Variants in INF2 observed in about 807,000 individuals in gnomAD.
INF2 encodes the protein inverted formin-2.
INF2 carries 43 observed loss-of-function variants against 123.5 expected under a neutral mutation model. The ratio of observed to expected loss-of-function variants is 0.35; its 90% CI spans 0.27 to 0.45. The LOEUF is 0.45. Ranked by LOEUF, INF2 falls within the 20% of genes least tolerant of loss-of-function variation. INF2 has a pLI of 1.00. For missense variants in INF2, 1,453 were observed against 1,682.7 expected (o/e 0.86, Z 2.39); for synonymous variants, 851 against 745.0 (o/e 1.14, Z -2.32).
At position 104,714,718 on chromosome 14, in the gene INF2, G is replaced by T; in HGVS notation, c.3556G>T (p.Asp1186Tyr). ...EEDTAPESAL[D>Y]TSLDKSFSED... ...GGACACGGCCCCAGAGTCCGCACTGGACACATCCCTGGACAAGTCCTTCTC... is the reference window on the plus strand; with the variant it reads ...GGACACGGCCCCAGAGTCCGCACTGTACACATCCCTGGACAAGTCCTTCTC... The change falls in exon 21 of 23, where the codon GAC becomes TAC. Residue 1186 changes from aspartate (D) to tyrosine (Y), a missense_variant. Asp to Tyr is a radical substitution (Grantham distance 160). Coordinates refer to ENST00000392634, the MANE Select transcript of INF2 (RefSeq NM_022489.4). 6.2e-7 allele frequency: 1 copy of T among 1,608,438 alleles called. No individual in the cohort carries two copies. Among genetic ancestry groups the T allele is most frequent in the Non-Finnish European group, 8.5e-7 (1 of 1,177,166 alleles).
chr14:104,704,091 G>GTCCA, intron 5 of INF2, 142 bp downstream of exon 5: 1 of 1,505,556 alleles, frequency 6.6e-7, no homozygotes, highest in African/African-American at 1.4e-5. Flanking sequence ...AACCCCAGGG[G>GTCCA]TCCAGCCAGA....
At chr14:104,701,087 C>A (rs1280786888) in intron 1 of INF2, among the ~76,000 whole-genome samples, 3 of 152,184 alleles carry the variant, frequency 2.0e-5, no homozygotes, top group African/African-American at 7.2e-5. Flanking sequence ...CGGCTCCTCC[C>A]CTCCCAGCCC....
chr14:104,700,944 C>CAAAACGGCGCATCTGA, intron 1 of INF2: 1 of 809,044 alleles, frequency 1.2e-6, no homozygotes, highest in Non-Finnish European at 1.5e-6. Flanking sequence ...TCAGATGCGC[C>CAAAACGGCGCATCTGA]GTTTTGTCGC....
intron 1 of INF2, among the ~76,000 whole-genome samples, chr14:104,692,902 A>G (rs1421775476): frequency 6.6e-6 from 1 of 152,216 alleles, no homozygotes; most frequent in African/African-American, 2.4e-5. Context: ...TCCTGAGAGA[A>G]GGGCCAGCCT....
At chr14:104,708,048 G>T in intron 8 of INF2, 46 bp downstream of exon 8, 1 of 1,597,258 alleles carries the variant, frequency 6.3e-7, no homozygotes. Context: ...TAGGACGGGG[G>T]CTGGTCTCTG....
chr14:104,685,936 G>T (rs1888649795), upstream of INF2, among the ~76,000 whole-genome samples: 1 of 143,326 alleles, frequency 7.0e-6, no homozygotes, highest in African/African-American at 2.6e-5. Flanking sequence ...TGGCAAATGG[G>T]TGGGTAAGTG....
chr14:104,682,567 C>T (rs141256782), intron 1 of INF2, among the ~76,000 whole-genome samples: 105 of 152,224 alleles, frequency 6.9e-4, no homozygotes, highest in Non-Finnish European at 9.9e-4. Flanking sequence ...GAAGGCAGAG[C>T]GGGCTGCCTG....
At chr14:104,696,689 C>T (rs1042556413) in intron 1 of INF2, among the ~76,000 whole-genome samples, 6 of 152,086 alleles carry the variant, frequency 3.9e-5, no homozygotes, top group Non-Finnish European at 5.9e-5. Flanking sequence ...CGCGTGCAGT[C>T]CTGGAGATCC....
Position 104,707,525 on chromosome 14 carries a change from A to ACCCCCCCCCCCCCCCC in INF2, c.1262_1263insCCCCCCCCCCCCCCCC (p.Pro427ThrfsTer31). 1 of 1,379,238 alleles carries ACCCCCCCCCCCCCCCC rather than the reference A, an allele frequency of 7.3e-7. No homozygotes were observed. The highest frequency in any genetic ancestry group is 9.5e-7 in the Non-Finnish European group (1 of 1,047,166). 85.4% of individuals were successfully genotyped at this position (1,379,238 alleles called of 1,614,324 possible). Reference sequence around the variant, plus strand: ...CAGAGCCCTGGAGCAGCAGGCGTCCACCCCACCCCCACCCCCACCCCCACC... The same window carrying ACCCCCCCCCCCCCCCC: ...CAGAGCCCTGGAGCAGCAGGCGTCCACCCCCCCCCCCCCCCCCCCCACCCCCACCCCCACCCCCACC... On this transcript the variant is annotated frameshift_variant, in exon 8 of 23. Transcript: ENST00000392634. LOFTEE classifies it high-confidence loss of function.
At chr14:104,694,062 G>GC (rs946842334) in intron 1 of INF2, among the ~76,000 whole-genome samples, 3 of 152,114 alleles carry the variant, frequency 2.0e-5, no homozygotes, top group East Asian at 1.9e-4. Context: ...TGTGCAGAGG[G>GC]CCCCCCCGGC....
Position 104,707,934 on chromosome 14 carries a change from G to T in INF2, c.1667G>T (p.Arg556Leu), listed in dbSNP as rs753323267. 6.3e-7 allele frequency: 1 copy of T among 1,599,920 alleles called. No individual in the cohort carries two copies. Among genetic ancestry groups the T allele is most frequent in the Non-Finnish European group, 8.5e-7 (1 of 1,179,684 alleles). The change falls in exon 8 of 23, where the codon CGG (arginine) becomes CTG (leucine). Residue 556 changes from arginine (R) to leucine (L), a missense_variant. Arg to Leu is a moderately radical substitution (Grantham distance 102). Coordinates refer to ENST00000392634, the MANE Select transcript of INF2 (RefSeq NM_022489.4). Reference sequence around the variant, plus strand: ...TCAGCATGGGTCCCCAGCCATCGGCGGGTGAACCCACCCACACTGCGCATG... The same window carrying T: ...TCAGCATGGGTCCCCAGCCATCGGCTGGTGAACCCACCCACACTGCGCATG... ...LGSAWVPSHRRVNPPTLRMKK... is the reference protein window; with the variant it reads ...LGSAWVPSHRLVNPPTLRMKK...
upstream of INF2, among the ~76,000 whole-genome samples, chr14:104,687,397 C>T (rs1034878169): frequency 6.6e-6 from 1 of 151,902 alleles, no homozygotes; most frequent in Admixed American, 6.6e-5. This position sits in a 1 kb window ranked among gnomAD's most constrained non-coding sequence, Gnocchi z 5.6. Flanking sequence ...TCAAGCCTGA[C>T]GGAAAACCCC....
chr14:104,690,139 C>T (rs1888870086), intron 1 of INF2: 1 of 152,218 alleles, frequency 6.6e-6, no homozygotes. Flanking sequence ...GGTGGCACCC[C>T]GAGGTGCGCG....
intron 1 of INF2, among the ~76,000 whole-genome samples, chr14:104,690,896 C>T (rs1408998911): frequency 6.6e-6 from 1 of 152,208 alleles, no homozygotes; most frequent in Admixed American, 6.5e-5. Context: ...CAAATAGTAG[C>T]ATTGGGTTCC....
Position 104,707,382 on chromosome 14 carries a change from C to T in INF2, c.1115C>T (p.Ser372Phe), listed in dbSNP as rs770882784. ...CTAGACCAGAGCCAGAGGGGCAGCTCCCCGCAAAACACTACAACCCCCAAG... is the reference window on the plus strand; with the variant it reads ...CTAGACCAGAGCCAGAGGGGCAGCTTCCCGCAAAACACTACAACCCCCAAG... ...ANLDQSQRGS[S>F]PQNTTTPKPS... Residue 372 changes from serine to phenylalanine, a missense_variant, in exon 8 of 23, where the codon TCC becomes TTC. Around this residue, in one of 8 missense-constraint regions of INF2, gnomAD observed 374 missense variants for 303.7 expected, o/e 1.23. Transcript: ENST00000392634. 2.3e-5 allele frequency: 36 copies of T among 1,592,202 alleles called. No individual in the cohort carries two copies. The Admixed American group carries it at 6.1e-4, about 27-fold the overall frequency.
intron 22 of INF2, among the ~76,000 whole-genome samples, chr14:104,716,736 G>C (rs978802710): frequency 6.6e-6 from 1 of 152,092 alleles, no homozygotes; most frequent in Non-Finnish European, 1.5e-5. Flanking sequence ...TGTTGCCCAG[G>C]CTGGAGTGCA....
intron 22 of INF2, chr14:104,717,722 T>TA (rs1890377171): frequency 2.0e-5 from 3 of 152,198 alleles, no homozygotes; most frequent in Admixed American, 2.0e-4. Flanking sequence ...GGTGGGGACG[T>TA]TTGTGGCAGC....
chr14:104,697,932 T>A (rs1419398370), intron 1 of INF2, among the ~76,000 whole-genome samples: 1 of 152,222 alleles, frequency 6.6e-6, no homozygotes, highest in Non-Finnish European at 1.5e-5. Context: ...CTGACCCTTT[T>A]GCTGTCCAAG....
chr14:104,710,561 GAC>G (rs1307346631), intron 13 of INF2, among the ~76,000 whole-genome samples: 9 of 151,706 alleles, frequency 5.9e-5, no homozygotes, highest in African/African-American at 1.5e-4. Flanking sequence ...ATGCACACAG[GAC>G]ACACAGACAC....
Sources: gnomAD v4.1 joint callset for allele counts (sites outside exome capture counted in the v4.1 genomes callset) on GRCh38, gnomAD v4.1.1 for gene constraint, gnomAD v4.1.1 regional missense constraint, Gnocchi (gnomAD v3.1) non-coding constraint, MANE v1.5 for transcripts, NCBI Gene and HGNC (gene_info 2026-07-23, HGNC 2026-07-21) for gene names.